The following TRAPPC9 variants were observed in gnomAD, a reference collection of about 807,000 sequenced individuals.
TRAPPC9 encodes IKK2 binding protein.
Under a neutral mutation model 124.0 loss-of-function variants are expected in TRAPPC9, and 83 were observed. The ratio of observed to expected loss-of-function variants is 0.67; its 90% CI spans 0.56 to 0.80. The LOEUF (loss-of-function observed/expected upper bound fraction) is 0.80, where lower values mean the gene tolerates loss of function less well. TRAPPC9 is among the 30% of genes least tolerant of loss of function. The pLI is 0.00. For synonymous variants in TRAPPC9, 638 were observed against 617.5 expected, an observed-to-expected ratio of 1.03 and a Z score of -0.49; for missense variants, 1,302 against 1,508.3, an observed-to-expected ratio of 0.86 and a Z score of 2.27.
chr8:139,999,376 C>A (rs1256945262), intron 18 of TRAPPC9, among the ~76,000 whole-genome samples: 1 of 151,858 alleles, frequency 6.6e-6, no homozygotes, highest in Non-Finnish European at 1.5e-5. Context: ...ATTAATTCAC[C>A]AAAAATACAC....
chr8:140,153,402 G>A lies in TRAPPC9; in HGVS notation c.2556+68057C>T, dbSNP rs572368125. 5.3e-5 allele frequency among the ~76,000 whole-genome samples: 8 copies of A among 152,014 alleles called. No individual in the cohort carries two copies. The East Asian group carries it at 1.5e-3, about 29-fold the overall frequency. ...TTGCCCCTATCATTCTTTTTAAATT[G>A]CATGATTTCATCTTAGAAAACTTCC... On this transcript the variant is annotated intron_variant, in intron 17 of 22. Coordinates refer to ENST00000438773, the MANE Select transcript of TRAPPC9 (RefSeq NM_001160372.4).
intron 21 of TRAPPC9, among the ~76,000 whole-genome samples, chr8:139,805,289 G>A (rs572816897): frequency 1.3e-5 from 2 of 152,308 alleles, no homozygotes; most frequent in Admixed American, 1.3e-4. Flanking sequence ...CCTCCTGCCT[G>A]GAAGTCTGAA....
At chr8:140,457,407 C>A (rs2071719127) in intron 1 of TRAPPC9, among the ~76,000 whole-genome samples, 1 of 152,202 alleles carries the variant, frequency 6.6e-6, no homozygotes, top group Admixed American at 6.5e-5. Flanking sequence ...GTGTGGGACA[C>A]GGCCTTGGAC....
intron 19 of TRAPPC9, among the ~76,000 whole-genome samples, chr8:139,945,444 A>G (rs1306576985): frequency 6.6e-6 from 1 of 151,894 alleles, no homozygotes; most frequent in African/African-American, 2.4e-5. Context: ...TTCAAAATAC[A>G]CAAAGCAAAA....
chr8:140,377,037 T>G (rs1043742854), intron 7 of TRAPPC9, among the ~76,000 whole-genome samples: 13 of 152,162 alleles, frequency 8.5e-5, no homozygotes, highest in Non-Finnish European at 1.9e-4. Flanking sequence ...AAACAGTCAG[T>G]GCCCTTGTTG....
At position 139,883,893 on chromosome 8, in the gene TRAPPC9, A is replaced by G. The variant is rs554558143; in HGVS notation, c.3055+1986T>C. ...TAGTCTCCCTGTTTGTAAATGATGGAGAAAACCTCACTCACGGGACTGTGG... is the reference window on the plus strand; with the variant it reads ...TAGTCTCCCTGTTTGTAAATGATGGGGAAAACCTCACTCACGGGACTGTGG... On this transcript the variant is annotated intron_variant, in intron 21 of 22. Transcript: ENST00000438773. 1.8e-4 allele frequency among the ~76,000 whole-genome samples: 28 copies of G among 152,232 alleles called. 1 individual carries two copies. The highest frequency in any genetic ancestry group is 6.7e-4 in the African/African-American group (28 of 41,530).
intron 17 of TRAPPC9, among the ~76,000 whole-genome samples, chr8:140,029,484 G>A (rs573429255): frequency 2.2e-4 from 33 of 152,238 alleles, no homozygotes; most frequent in African/African-American, 5.5e-4. Flanking sequence ...CAGCCTGGGC[G>A]ACAGAGCAAG....
chr8:140,427,379 TCACA>T (rs60720377), intron 4 of TRAPPC9, among the ~76,000 whole-genome samples: 25,938 of 148,438 alleles, frequency 0.17, 3,100 homozygotes, highest in East Asian at 0.54. Context: ...TATCTCTCTC[TCACA>T]CACACACACA....
chr8:139,867,168 C>T (rs370418264), intron 21 of TRAPPC9, among the ~76,000 whole-genome samples: 2 of 152,292 alleles, frequency 1.3e-5, no homozygotes, highest in South Asian at 2.1e-4. Flanking sequence ...GGAATCAAGA[C>T]TCCTGTGAGA....
intron 19 of TRAPPC9, among the ~76,000 whole-genome samples, chr8:139,954,644 A>G (rs752614097): frequency 6.6e-5 from 10 of 152,216 alleles, no homozygotes; most frequent in Non-Finnish European, 1.3e-4. Flanking sequence ...CTGCGAGGTA[A>G]TCTCAGGACC....
chr8:140,270,077 G>C (rs898176985), intron 15 of TRAPPC9, among the ~76,000 whole-genome samples: 4 of 151,934 alleles, frequency 2.6e-5, no homozygotes, highest in African/African-American at 9.7e-5. Context: ...TCCAGCCTGG[G>C]CAACAGAGCG....
chr8:140,404,720 G>T (rs1023501716), intron 6 of TRAPPC9, among the ~76,000 whole-genome samples: 11 of 151,722 alleles, frequency 7.3e-5, no homozygotes, highest in African/African-American at 2.7e-4. Context: ...GTGAGCATGT[G>T]TGTACATGCA....
intron 9 of TRAPPC9, among the ~76,000 whole-genome samples, chr8:140,318,093 C>A (rs1012051597): frequency 3.3e-5 from 5 of 152,106 alleles, no homozygotes; most frequent in African/African-American, 1.2e-4. Flanking sequence ...CCGAGATTTT[C>A]TTTAAAATAA....
intron 21 of TRAPPC9, among the ~76,000 whole-genome samples, chr8:139,793,526 C>T (rs1212391417): frequency 2.0e-5 from 3 of 152,174 alleles, no homozygotes; most frequent in African/African-American, 4.8e-5. Context: ...GACCTGGGGC[C>T]TGGACTGTTG....
chr8:140,381,961 T>C (rs150789618), intron 7 of TRAPPC9, among the ~76,000 whole-genome samples: 41 of 152,342 alleles, frequency 2.7e-4, no homozygotes, highest in African/African-American at 9.9e-4. Context: ...ACTGAAAATA[T>C]GTGTTCCCAC....
chr8:140,077,554 C>T (rs1563743041), intron 17 of TRAPPC9, among the ~76,000 whole-genome samples: 1 of 151,894 alleles, frequency 6.6e-6, no homozygotes, highest in African/African-American at 2.4e-5. Flanking sequence ...AGGTGCCTTC[C>T]GCTATCTTCT....
chr8:140,384,738 C>G (rs2068707098), intron 7 of TRAPPC9, among the ~76,000 whole-genome samples: 2 of 152,196 alleles, frequency 1.3e-5, no homozygotes, highest in South Asian at 4.1e-4. Context: ...TAACACCCCA[C>G]TGTCAACATT....
At chr8:140,188,775 T>C (rs1052021014) in intron 17 of TRAPPC9, among the ~76,000 whole-genome samples, 1 of 152,224 alleles carries the variant, frequency 6.6e-6, no homozygotes, top group Non-Finnish European at 1.5e-5. Flanking sequence ...CTCTTCTCTC[T>C]TGATTCATTC....
At chr8:140,007,276 C>T (rs1587477640) in intron 18 of TRAPPC9, among the ~76,000 whole-genome samples, 3 of 152,310 alleles carry the variant, frequency 2.0e-5, no homozygotes, top group African/African-American at 7.2e-5. Context: ...AATTGTGCCT[C>T]CGGGTGACGG....
Sources: allele counts gnomAD v4.1 joint callset (sites outside exome capture counted in the v4.1 genomes callset), GRCh38; gene constraint gnomAD v4.1.1; transcripts MANE v1.5; gene names NCBI Gene and HGNC (gene_info 2026-07-23, HGNC 2026-07-21).